The following CEP83 variants were observed in gnomAD, a reference collection of about 807,000 sequenced individuals.
CEP83 encodes centrosomal protein of 83 kDa.
CEP83 carries 70 observed loss-of-function variants against 101.9 expected under a neutral mutation model. The observed-to-expected ratio is 0.69, with a 90% CI of 0.57 to 0.84. CEP83 has a LOEUF of 0.84. CEP83 is among the 40% of genes least tolerant of loss of function. The probability of loss-of-function intolerance (pLI) is 0.00; values close to 1 mark genes in which losing one functional copy is unlikely to be tolerated. For synonymous variants in CEP83, 264 were observed against 267.9 expected (o/e 0.99, Z 0.14); for missense variants, 715 against 787.2 (o/e 0.91, Z 1.10).
chr12:94,281,380 G>A, the CEP83 span, among the ~76,000 whole-genome samples: 1 of 152,154 alleles, frequency 6.6e-6, no homozygotes, highest in Admixed American at 6.5e-5. Context: ...ATGCCCAAAG[G>A]GGCAGAAAAT....
At chr12:94,382,827 G>A (rs990374028) in intron 6 of CEP83, among the ~76,000 whole-genome samples, 1 of 151,994 alleles carries the variant, frequency 6.6e-6, no homozygotes, top group Non-Finnish European at 1.5e-5. Flanking sequence ...TACTTCAAAA[G>A]AACATGTCTG....
At chr12:94,319,114 A>G (rs1306575509) in intron 14 of CEP83, among the ~76,000 whole-genome samples, 4 of 152,212 alleles carry the variant, frequency 2.6e-5, no homozygotes, top group Non-Finnish European at 5.9e-5. Context: ...CAGGAAATCA[A>G]CTTCTTCCTG....
the CEP83 span, chr12:94,282,189 C>A: frequency 1.3e-6 from 1 of 744,196 alleles, no homozygotes; most frequent in Non-Finnish European, 2.3e-6. Flanking sequence ...TCTACACCTT[C>A]AAACAAAGAT....
At chr12:94,274,833 C>G in the CEP83 span, among the ~76,000 whole-genome samples, 1 of 152,180 alleles carries the variant, frequency 6.6e-6, no homozygotes, top group African/African-American at 2.4e-5. Flanking sequence ...GCCTCAGTTT[C>G]TCATCTGCCA....
chr12:94,399,628 G>A (rs2063131409), intron 6 of CEP83, among the ~76,000 whole-genome samples: 1 of 152,100 alleles, frequency 6.6e-6, no homozygotes, highest in Admixed American at 6.5e-5. Context: ...AGCTACTTGG[G>A]TACCTGAGGC....
intron 1 of CEP83, among the ~76,000 whole-genome samples, chr12:94,450,509 C>T (rs1270532385): frequency 6.6e-6 from 1 of 152,114 alleles, no homozygotes; most frequent in African/African-American, 2.4e-5. Flanking sequence ...GCCTTGGATC[C>T]CAAAGTGCTG....
chr12:94,282,074 T>C, the CEP83 span: 1 of 474,894 alleles, frequency 2.1e-6, no homozygotes, highest in Non-Finnish European at 3.8e-6. Context: ...TGGCTTTACT[T>C]CCAGGCTTAT....
intron 7 of CEP83, 85 bp downstream of exon 7, chr12:94,378,706 C>A: frequency 7.0e-7 from 1 of 1,433,184 alleles, no homozygotes; most frequent in South Asian, 1.3e-5. Context: ...GGGGGGCATA[C>A]ATTTATGCTC....
chr12:94,335,721 A>G, intron 11 of CEP83, 57 bp from the exon 12 acceptor site: 1 of 1,155,768 alleles, frequency 8.7e-7, no homozygotes, highest in Admixed American at 2.3e-5. Context: ...CATTTATTTC[A>G]CTGAATTAAA....
At chr12:94,313,927 A>T (rs1970264960) in intron 14 of CEP83, among the ~76,000 whole-genome samples, 1 of 152,220 alleles carries the variant, frequency 6.6e-6, no homozygotes, top group South Asian at 2.1e-4. Flanking sequence ...AAACTGAAGG[A>T]TCAGAAAGCT....
At chr12:94,402,875 G>A (rs149899324) in intron 5 of CEP83, 297 of 168,812 alleles carry the variant, frequency 1.8e-3, no homozygotes, top group Non-Finnish European at 3.1e-3. Flanking sequence ...CTCCAGGCTG[G>A]GCAACAGAGC....
At position 94,448,017 on chromosome 12, in the gene CEP83, G is replaced by GA. The variant is rs2066935746; in HGVS notation, c.-155+11539dup. On this transcript the variant is annotated intron_variant, in intron 1 of 16. Transcript: ENST00000397809. ...AACTAAACACTCTATTCAAAGGGGGGATTATATTACAATGGATTACAAAAC... is the reference window on the plus strand; with the variant it reads ...AACTAAACACTCTATTCAAAGGGGGGAATTATATTACAATGGATTACAAAAC... Among the ~76,000 whole-genome samples the GA allele has an allele frequency of 2.6e-5, 4 of 151,988 alleles. No homozygotes were observed. In the South Asian group the frequency reaches 8.3e-4, roughly 32 times the overall value.
At chr12:94,291,643 T>C in the CEP83 span, among the ~76,000 whole-genome samples, 1 of 152,176 alleles carries the variant, frequency 6.6e-6, no homozygotes, top group East Asian at 1.9e-4. Context: ...TTTAGAACAT[T>C]TTCATCCCTC....
intron 5 of CEP83, 81 bp from the exon 6 acceptor site, chr12:94,401,062 T>A: frequency 1.4e-6 from 1 of 713,732 alleles, no homozygotes; most frequent in Non-Finnish European, 2.0e-6. Context: ...AATATAATTT[T>A]AAATTACATT....
intron 11 of CEP83, among the ~76,000 whole-genome samples, chr12:94,359,875 C>T (rs911502927): frequency 6.6e-6 from 1 of 151,926 alleles, no homozygotes; most frequent in African/African-American, 2.4e-5. Context: ...ATGCAAAAAC[C>T]CTCAACAAAA....
intron 4 of CEP83, among the ~76,000 whole-genome samples, chr12:94,405,738 G>A (rs1162655231): frequency 2.0e-5 from 3 of 152,146 alleles, no homozygotes; most frequent in African/African-American, 7.2e-5. Flanking sequence ...GAGTTTTCAG[G>A]ACCTGGCACC....
chr12:94,395,599 A>AGAT (rs1385638736), intron 6 of CEP83, among the ~76,000 whole-genome samples: 2 of 152,264 alleles, frequency 1.3e-5, no homozygotes, highest in African/African-American at 4.8e-5. Flanking sequence ...CAAGGTGGGC[A>AGAT]GATCATGAGG....
chr12:94,363,779 T>A (rs994085292), intron 11 of CEP83, among the ~76,000 whole-genome samples: 4 of 151,656 alleles, frequency 2.6e-5, no homozygotes, highest in African/African-American at 9.7e-5. Flanking sequence ...TGAAACGGCA[T>A]CTCTACAAAA....
At chr12:94,367,965 A>T in intron 10 of CEP83, 22 bp from the exon 11 acceptor site, 1 of 1,609,394 alleles carries the variant, frequency 6.2e-7, no homozygotes, top group Non-Finnish European at 8.5e-7. Context: ...GATCATAATT[A>T]TGTTACAAGA....
Sources: gnomAD v4.1 joint callset for allele counts (sites outside exome capture counted in the v4.1 genomes callset) on GRCh38, gnomAD v4.1.1 for gene constraint, MANE v1.5 for transcripts, NCBI Gene and HGNC (gene_info 2026-07-23, HGNC 2026-07-21) for gene names.